TANC2: variants seen among roughly 807,000 people sequenced by gnomAD.
TANC2 encodes the protein tetratricopeptide repeat, ankyrin repeat and coiled-coil containing 2.
TANC2 carries 26 observed loss-of-function variants against 210.5 expected under a neutral mutation model. That is an observed-to-expected ratio of 0.12 (90% confidence interval 0.09 to 0.17). The LOEUF (loss-of-function observed/expected upper bound fraction) is 0.17. Ranked by LOEUF, TANC2 falls within the 10% of genes least tolerant of loss-of-function variation. The pLI is 1.00. For synonymous variants in TANC2, 931 were observed against 967.1 expected, an observed-to-expected ratio of 0.96 and a Z score of 0.69; for missense variants, 2,129 against 2,608.9, an observed-to-expected ratio of 0.82 and a Z score of 4.01.
intron 5 of TANC2, among the ~76,000 whole-genome samples, chr17:63,187,620 A>G (rs1472975226): frequency 6.6e-6 from 1 of 152,096 alleles, no homozygotes; most frequent in Non-Finnish European, 1.5e-5. Context: ...TGTTTTTTGA[A>G]GAAATGTTCT....
At chr17:63,228,670 G>A (rs931932926) in intron 7 of TANC2, among the ~76,000 whole-genome samples, 1 of 152,016 alleles carries the variant, frequency 6.6e-6, no homozygotes, top group Non-Finnish European at 1.5e-5. Context: ...GTGTTCCTAG[G>A]TATTTTATTC....
intron 4 of TANC2, among the ~76,000 whole-genome samples, chr17:63,111,638 A>G (rs1487682315): frequency 6.6e-6 from 1 of 152,124 alleles, no homozygotes; most frequent in Admixed American, 6.5e-5. Context: ...TTTTTCAGGC[A>G]CAATCTGTCT....
At chr17:63,351,364 G>T in exon 13 of TANC2, 1 of 1,610,158 alleles carries the variant, frequency 6.2e-7, no homozygotes, top group Non-Finnish European at 8.5e-7. Context: ...AAAATGATCG[G>T]AAAGTTTCCT....
rs538485694 is a variant in TANC2, at chr17:63,418,567, G to C, written c.4268+160G>C. 3.9e-5 allele frequency among the ~76,000 whole-genome samples: 6 copies of C among 152,344 alleles called. No homozygotes were observed. Among genetic ancestry groups the C allele is most frequent in the Non-Finnish European group, 8.8e-5 (6 of 68,036 alleles). ...GATGGCTCCCATAGCACAGCCCTCA[G>C]CTCAAGATCAGCAAATCTGCTGGGC... On this transcript the variant is annotated intron_variant, in intron 27 of 27. Coordinates refer to ENST00000689528, the Ensembl canonical transcript of TANC2. This position sits in a 1 kb window ranked among gnomAD's most constrained non-coding sequence, Gnocchi z 4.6.
At chr17:63,426,441 G>A (rs936481691) in exon 28 of TANC2, 1 of 152,238 alleles carries the variant, frequency 6.6e-6, no homozygotes, top group African/African-American at 2.4e-5. Flanking sequence ...AGAGCTACTT[G>A]AATAATCACT....
intron 11 of TANC2, among the ~76,000 whole-genome samples, chr17:63,336,456 T>C (rs1194709162): frequency 6.6e-6 from 1 of 152,208 alleles, no homozygotes; most frequent in Non-Finnish European, 1.5e-5. Flanking sequence ...GCGTGACATT[T>C]TTGCTGCCAC....
chr17:63,373,770 C>T (rs1352429597), intron 14 of TANC2, among the ~76,000 whole-genome samples: 1 of 152,182 alleles, frequency 6.6e-6, no homozygotes, highest in Non-Finnish European at 1.5e-5. Flanking sequence ...AACCTGAGGT[C>T]AGGAGTTCAA....
At chr17:63,207,885 A>G (rs1051687836) in intron 7 of TANC2, among the ~76,000 whole-genome samples, 1 of 152,152 alleles carries the variant, frequency 6.6e-6, no homozygotes, top group Non-Finnish European at 1.5e-5. Flanking sequence ...GATCTTTCCC[A>G]TGTTTGATAT....
At chr17:63,037,249 C>T (rs903079096) in intron 2 of TANC2, among the ~76,000 whole-genome samples, 14 of 152,116 alleles carry the variant, frequency 9.2e-5, no homozygotes, top group African/African-American at 2.7e-4. Context: ...AAGTTACTAA[C>T]GGCAGGTACA....
chr17:63,075,337 G>T (rs1343282578), intron 3 of TANC2, among the ~76,000 whole-genome samples: 1 of 152,012 alleles, frequency 6.6e-6, no homozygotes. Flanking sequence ...ATCAATGAGC[G>T]TAATTGAATT....
intron 2 of TANC2, among the ~76,000 whole-genome samples, chr17:63,067,740 T>G (rs2036252952): frequency 6.6e-6 from 1 of 151,942 alleles, no homozygotes; most frequent in South Asian, 2.1e-4. Context: ...TGAAGACAGA[T>G]CCATAGAAAT....
exon 28 of TANC2, chr17:63,426,593 G>A (rs1257259604): frequency 6.6e-6 from 1 of 152,222 alleles, no homozygotes; most frequent in Non-Finnish European, 1.5e-5. Flanking sequence ...TCAGAGCTTT[G>A]AAAGTCAGTA....
intron 2 of TANC2, among the ~76,000 whole-genome samples, chr17:63,014,749 GTAT>G (rs2034030940): frequency 6.6e-6 from 1 of 152,084 alleles, no homozygotes; most frequent in South Asian, 2.1e-4. Context: ...TTCTACTGTA[GTAT>G]TATAGCTAAT....
intron 7 of TANC2, among the ~76,000 whole-genome samples, 156 bp downstream of exon 7, chr17:63,201,113 A>G (rs1352123642): frequency 6.6e-6 from 1 of 152,160 alleles, no homozygotes; most frequent in African/African-American, 2.4e-5. Context: ...AGAGAAACCT[A>G]AGGGTAAACA....
chr17:63,172,847 T>G (rs571286915), intron 5 of TANC2, among the ~76,000 whole-genome samples: 9 of 152,364 alleles, frequency 5.9e-5, no homozygotes, highest in African/African-American at 2.2e-4. Flanking sequence ...ACTACAACTA[T>G]GACTTCTTAA....
chr17:63,098,561 A>G (rs1332551780), intron 3 of TANC2, among the ~76,000 whole-genome samples: 1 of 148,400 alleles, frequency 6.7e-6, no homozygotes, highest in Non-Finnish European at 1.5e-5. Flanking sequence ...ATATAATTTT[A>G]TACCATATGT....
intron 1 of TANC2, among the ~76,000 whole-genome samples, chr17:62,997,296 A>G (rs993630730): frequency 1.3e-5 from 2 of 151,706 alleles, no homozygotes; most frequent in African/African-American, 4.8e-5. Flanking sequence ...CACCACCAAT[A>G]TTTTCATCGT....
intron 2 of TANC2, among the ~76,000 whole-genome samples, chr17:63,016,868 TC>T (rs1218931373): frequency 1.3e-5 from 2 of 152,206 alleles, no homozygotes; most frequent in African/African-American, 4.8e-5. Context: ...CCTGTTCTAG[TC>T]CCTTACCTAT....
At chr17:62,979,524 ATTTT>A (rs998241773) in intron 1 of TANC2, among the ~76,000 whole-genome samples, 3 of 152,200 alleles carry the variant, frequency 2.0e-5, no homozygotes, top group African/African-American at 7.2e-5. Context: ...TTTGAAATAA[ATTTT>A]AAAAATATTT....
Sources: gnomAD v4.1 joint callset for allele counts (sites outside exome capture counted in the v4.1 genomes callset) on GRCh38, gnomAD v4.1.1 for gene constraint, Gnocchi (gnomAD v3.1) non-coding constraint, MANE v1.5 for transcripts, NCBI Gene and HGNC (gene_info 2026-07-23, HGNC 2026-07-21) for gene names.